The following CCSER1 variants were observed in gnomAD, a reference collection of about 807,000 sequenced individuals.
The protein encoded by CCSER1 is serine-rich coiled-coil domain-containing protein 1.
A neutral mutation model predicts 82.0 loss-of-function variants in CCSER1; 41 were observed. The observed-to-expected ratio is 0.50, with a 90% CI of 0.39 to 0.65. CCSER1 has a LOEUF of 0.65. CCSER1 is among the 30% of genes least tolerant of loss of function. The pLI, the probability that CCSER1 is intolerant of heterozygous loss-of-function variation, is 0.00. For missense variants in CCSER1, 1,119 were observed against 1,064.2 expected (o/e 1.05, Z -0.72); for synonymous variants, 414 against 383.9 (o/e 1.08, Z -0.92).
intron 10 of CCSER1, among the ~76,000 whole-genome samples, chr4:91,142,379 C>T (rs1216121339): frequency 6.6e-6 from 1 of 152,140 alleles, no homozygotes; most frequent in African/African-American, 2.4e-5. Flanking sequence ...TTATAAATTA[C>T]CCAGTGTTGG....
chr4:90,911,117 T>C, intron 8 of CCSER1: 1 of 358,074 alleles, frequency 2.8e-6, no homozygotes, highest in Non-Finnish European at 5.4e-6. Flanking sequence ...CCTGTGTTCT[T>C]ATTTAATTCC....
chr4:90,541,712 GATTTATAAATGTTATGATGTTATGTT>G (rs1231360488), intron 5 of CCSER1, among the ~76,000 whole-genome samples: 1 of 151,878 alleles, frequency 6.6e-6, no homozygotes. Context: ...ATATATATTT[GATTTATAAATGTTATGATGTTATGTT>G]ATTTATAAAT....
intron 5 of CCSER1, among the ~76,000 whole-genome samples, chr4:90,485,228 G>T (rs148194600): frequency 0.012 from 1,778 of 152,302 alleles, 14 homozygotes; most frequent in South Asian, 0.022. Context: ...TTGGAAGAGC[G>T]CAGTATTAGG....
At chr4:91,301,826 C>G (rs1165987211) in intron 10 of CCSER1, among the ~76,000 whole-genome samples, 3 of 151,900 alleles carry the variant, frequency 2.0e-5, no homozygotes, top group Non-Finnish European at 4.4e-5. Context: ...ATGAGGCAAA[C>G]AGGGCTCTGT....
intron 10 of CCSER1, among the ~76,000 whole-genome samples, chr4:91,363,388 TGTGA>T (rs879470515): frequency 0.08 from 11,020 of 137,486 alleles, 860 homozygotes; most frequent in African/African-American, 0.24. Context: ...TGTGTGTGTG[TGTGA>T]GACAAAAATA....
chr4:90,648,340 A>AG (rs1491274883), intron 6 of CCSER1, among the ~76,000 whole-genome samples: 1 of 151,258 alleles, frequency 6.6e-6, no homozygotes, highest in South Asian at 2.1e-4. Context: ...AAAGAAAGAA[A>AG]GAGAGTTGCC....
intron 10 of CCSER1, among the ~76,000 whole-genome samples, chr4:91,332,408 T>G (rs1442087434): frequency 6.6e-6 from 1 of 151,804 alleles, no homozygotes; most frequent in Non-Finnish European, 1.5e-5. Context: ...ATAAATTAAC[T>G]TAAGTCCCTT....
rs1169167377 is a variant in CCSER1, at chr4:91,167,208, A to G, written c.2217+81214A>G. Among the ~76,000 whole-genome samples the G allele has an allele frequency of 7.1e-5, 8 of 113,372 alleles. No individual in the cohort carries two copies. The East Asian group carries it at 2.0e-3, about 28-fold the overall frequency. 74.4% of individuals were successfully genotyped at this position (113,372 alleles called of 152,430 possible). A position where few individuals can be genotyped will look rare whatever the true frequency, so the allele number is the denominator to read the frequency against. ...TACTTTTTTTTTTTTTTTTTTTGAG[A>G]CGGCTTCTCACGCTGTCACACAGAC... is the stretch of plus-strand genomic sequence containing the variant. On this transcript the variant is annotated intron_variant, in intron 10 of 10. Transcript: ENST00000509176.
intron 10 of CCSER1, among the ~76,000 whole-genome samples, chr4:91,236,354 C>T (rs1233683575): frequency 2.0e-5 from 3 of 151,962 alleles, no homozygotes; most frequent in Admixed American, 6.6e-5. Context: ...GGTGTGGCGG[C>T]CACTTGTAGT....
intron 1 of CCSER1, among the ~76,000 whole-genome samples, chr4:90,179,394 T>C (rs1446481843): frequency 6.6e-6 from 1 of 152,212 alleles, no homozygotes; most frequent in Non-Finnish European, 1.5e-5. Context: ...TAATTTTTTT[T>C]TAATTTATTT....
Position 90,168,187 on chromosome 4 carries a change from T to C in CCSER1, c.-42+40356T>C, listed in dbSNP as rs532046584. On this transcript the variant is annotated intron_variant, in intron 1 of 10. Transcript: ENST00000509176. ...CCATTCTAACTGGTGTGAGATGATA[T>C]CTCATTGTGGTTTTGATTTGCATTT... Among the ~76,000 whole-genome samples, 10 of 152,318 alleles carry C rather than the reference T, an allele frequency of 6.6e-5. No individual in the cohort carries two copies. In the East Asian group the frequency reaches 1.5e-3, roughly 24 times the overall value.
At chr4:91,451,974 T>C (rs1399730661) in intron 10 of CCSER1, among the ~76,000 whole-genome samples, 1 of 152,010 alleles carries the variant, frequency 6.6e-6, no homozygotes, top group Non-Finnish European at 1.5e-5. Context: ...ATCTTAGTTG[T>C]GTTCCTGAAG....
chr4:90,682,157 T>C (rs903526264), intron 6 of CCSER1, among the ~76,000 whole-genome samples: 2 of 151,932 alleles, frequency 1.3e-5, no homozygotes, highest in Admixed American at 6.6e-5. Flanking sequence ...GTAAATCATC[T>C]TGGAGAGTTC....
At chr4:90,483,135 T>C (rs1301234138) in intron 5 of CCSER1, among the ~76,000 whole-genome samples, 1 of 152,212 alleles carries the variant, frequency 6.6e-6, no homozygotes, top group African/African-American at 2.4e-5. Context: ...AATGGCCTTC[T>C]TTGTCTCTCT....
At chr4:90,879,566 A>AGG (rs1720929788) in intron 8 of CCSER1, among the ~76,000 whole-genome samples, 3 of 124,620 alleles carry the variant, frequency 2.4e-5, no homozygotes, top group Non-Finnish European at 5.1e-5. Context: ...GAAGAAGAAG[A>AGG]AGAGGAAGAA....
At chr4:90,321,575 A>G (rs1351976202) in intron 3 of CCSER1, among the ~76,000 whole-genome samples, 2 of 152,086 alleles carry the variant, frequency 1.3e-5, no homozygotes, top group Non-Finnish European at 2.9e-5. Flanking sequence ...CCGAGTGCAT[A>G]CTTAGCAGTG....
chr4:91,316,524 G>A (rs1034019659), intron 10 of CCSER1, among the ~76,000 whole-genome samples: 23 of 151,932 alleles, frequency 1.5e-4, no homozygotes, highest in Non-Finnish European at 2.8e-4. Flanking sequence ...TGTAAAGTAG[G>A]ATATACAATG....
chr4:91,358,099 C>CCAATCTA (rs1372637056), intron 10 of CCSER1, among the ~76,000 whole-genome samples: 1 of 152,004 alleles, frequency 6.6e-6, no homozygotes, highest in African/African-American at 2.4e-5. Flanking sequence ...AATTAACTTA[C>CCAATCTA]AATTGGTTTA....
At chr4:91,549,664 C>A (rs999838623) in intron 10 of CCSER1, among the ~76,000 whole-genome samples, 9 of 152,020 alleles carry the variant, frequency 5.9e-5, no homozygotes, top group Non-Finnish European at 1.3e-4. Context: ...TGGCACAATC[C>A]CGTCTCCACT....
Sources: gnomAD v4.1 joint callset for allele counts (sites outside exome capture counted in the v4.1 genomes callset) on GRCh38, gnomAD v4.1.1 for gene constraint, MANE v1.5 for transcripts, NCBI Gene and HGNC (gene_info 2026-07-23, HGNC 2026-07-21) for gene names.